SLC41A2: variants seen among roughly 807,000 people sequenced by gnomAD.
SLC41A2 encodes solute carrier family 41 member 2, also known as SLC41A1-like 1.
A neutral mutation model predicts 58.3 loss-of-function variants in SLC41A2; 32 were observed. The observed-to-expected ratio is 0.55, with a 90% CI of 0.41 to 0.74. The LOEUF (loss-of-function observed/expected upper bound fraction) is 0.74, where lower values mean the gene tolerates loss of function less well. Among genes scored for constraint, SLC41A2 ranks in the 30% least tolerant of loss-of-function variants. SLC41A2 has a pLI of 0.00. For missense variants in SLC41A2, 514 were observed against 680.6 expected (o/e 0.76, Z 2.72); for synonymous variants, 190 against 235.0 (o/e 0.81, Z 1.75).
intron 1 of SLC41A2, among the ~76,000 whole-genome samples, chr12:104,941,481 C>G (rs1409149052): frequency 6.6e-6 from 1 of 152,136 alleles, no homozygotes; most frequent in Non-Finnish European, 1.5e-5. Flanking sequence ...AGAATCACAA[C>G]CCTCAACTCT....
At chr12:104,881,879 T>G (rs1445187567) in intron 6 of SLC41A2, among the ~76,000 whole-genome samples, 2 of 152,188 alleles carry the variant, frequency 1.3e-5, no homozygotes, top group East Asian at 3.8e-4. Context: ...TTGTTAACTT[T>G]CTGTCTCGTT....
rs368113344 is a variant in SLC41A2 at position 104,932,147 on chromosome 12, C to T, written c.-167-3453G>A. Among the ~76,000 whole-genome samples the T allele has an allele frequency of 5.3e-5, 8 of 152,268 alleles. No homozygotes were observed. The East Asian group carries it at 1.2e-3, about 22-fold the overall frequency. On this transcript the variant is annotated intron_variant, in intron 1 of 10. Transcript: ENST00000258538. ...TACTTATCAGTTATTTCAATGCTTG[C>T]TTATTGACAAGGTCTATTATCTCCT...
At chr12:104,949,867 G>A (rs1593196233) in intron 1 of SLC41A2, among the ~76,000 whole-genome samples, 2 of 152,346 alleles carry the variant, frequency 1.3e-5, no homozygotes, top group African/African-American at 4.8e-5. Flanking sequence ...ACAGGTGTGA[G>A]CCACTGTGCC....
chr12:104,901,065 T>C (rs1023542520), intron 3 of SLC41A2, among the ~76,000 whole-genome samples: 4 of 152,208 alleles, frequency 2.6e-5, no homozygotes, highest in African/African-American at 9.6e-5. Flanking sequence ...TGTTGCTAAA[T>C]AATTCAGATA....
chr12:104,852,169 T>G (rs1317726640), intron 8 of SLC41A2, among the ~76,000 whole-genome samples: 1 of 152,180 alleles, frequency 6.6e-6, no homozygotes. Flanking sequence ...TTATAGTCAC[T>G]CAAAAGGAAA....
rs150496137 is a variant in SLC41A2 at position 104,956,445 on chromosome 12, G to A, written c.-168+1643C>T. Among the ~76,000 whole-genome samples, 1,409 of 152,304 alleles carry A rather than the reference G, an allele frequency of 9.3e-3. 13 individuals are homozygous for A. Among genetic ancestry groups the A allele is most frequent in the Middle Eastern group, 0.017 (5 of 294 alleles). On this transcript the variant is annotated intron_variant, in intron 1 of 10. Transcript: ENST00000258538. ...TGTAATCCCAGCACTTTGGGAAGCCGAGGTGGGCAGATCACTTGAATTCAG... is the reference window on the plus strand; with the variant it reads ...TGTAATCCCAGCACTTTGGGAAGCCAAGGTGGGCAGATCACTTGAATTCAG...
In SLC41A2 at chr12:104,816,221, G is replaced by C. The variant is rs147043993; in HGVS notation, c.1537-10884C>G. Among the ~76,000 whole-genome samples the C allele has an allele frequency of 6.4e-4, 97 of 152,094 alleles. No individual in the cohort carries two copies. The Middle Eastern group carries it at 0.01, about 16-fold the overall frequency. On this transcript the variant is annotated intron_variant, in intron 10 of 10. Transcript: ENST00000258538. ...TTGTAGATACGAAAAAACAAAAATA[G>C]AAACACAACCCAAAAAACAAGAACA...
At chr12:104,955,091 C>A (rs1474347253) in intron 1 of SLC41A2, among the ~76,000 whole-genome samples, 1 of 144,276 alleles carries the variant, frequency 6.9e-6, no homozygotes, top group Non-Finnish European at 1.5e-5. Flanking sequence ...CGGTTCACTG[C>A]AACTTCCACC....
intron 2 of SLC41A2, 139 bp from the exon 3 acceptor site, chr12:104,909,901 G>A (rs1336042783): frequency 6.9e-6 from 4 of 579,912 alleles, no homozygotes; most frequent in Admixed American, 3.4e-5. Flanking sequence ...TGTAATCAGC[G>A]AGCACTTAGC....
chr12:104,908,930 T>C (rs184046485), intron 3 of SLC41A2, among the ~76,000 whole-genome samples: 1 of 152,342 alleles, frequency 6.6e-6, no homozygotes, highest in East Asian at 1.9e-4. Context: ...CACAACATTG[T>C]TCATAATAGA....
intron 1 of SLC41A2, among the ~76,000 whole-genome samples, chr12:104,935,994 G>A (rs767881622): frequency 6.6e-6 from 1 of 151,768 alleles, no homozygotes; most frequent in Non-Finnish European, 1.5e-5. Flanking sequence ...AGTGAGCCAA[G>A]GTTACACCAC....
At chr12:104,858,124 T>G (rs531087442) in intron 8 of SLC41A2, among the ~76,000 whole-genome samples, 1 of 152,338 alleles carries the variant, frequency 6.6e-6, no homozygotes, top group Admixed American at 6.5e-5. Flanking sequence ...ACTTTTCAAG[T>G]TATACTTATT....
Position 104,927,905 on chromosome 12 carries a change from T to C in SLC41A2, c.555+68A>G, listed in dbSNP as rs546068549. ...GAATGTTTGAGAGTAGTAACCTACA[T>C]AAAGCATTTTAAACAGAAATGGAAT... On this transcript the variant is annotated intron_variant, in intron 2 of 10. Transcript: ENST00000258538. The C allele has an allele frequency of 8.5e-6, 12 of 1,409,316 alleles. No individual in the cohort carries two copies. In the Admixed American group the frequency reaches 2.1e-4, roughly 25 times the overall value. The allele number at this position is 1,409,316 out of a possible 1,614,324, so 87.3% of individuals were successfully genotyped here. A position where few individuals can be genotyped will look rare whatever the true frequency, so the allele number is the denominator to read the frequency against.
intron 2 of SLC41A2, among the ~76,000 whole-genome samples, chr12:104,912,025 A>G (rs2046109937): frequency 6.6e-6 from 1 of 152,186 alleles, no homozygotes; most frequent in African/African-American, 2.4e-5. Flanking sequence ...ACTGATCGTT[A>G]TGTTCCAGGC....
intron 1 of SLC41A2, among the ~76,000 whole-genome samples, chr12:104,941,139 T>C (rs556009615): frequency 2.0e-5 from 3 of 152,204 alleles, no homozygotes; most frequent in African/African-American, 7.2e-5. Context: ...TAACACCAAA[T>C]TGCTATAAAA....
chr12:104,850,032 T>C lies in SLC41A2; in HGVS notation c.1256-4058A>G, dbSNP rs182881276. Among the ~76,000 whole-genome samples, 602 of 152,268 alleles carry C rather than the reference T, an allele frequency of 4.0e-3. 4 individuals carry two copies. The highest frequency in any genetic ancestry group is 0.014 in the African/African-American group (577 of 41,552). ...TCCATTTAAATCATACCGAATACAC[T>C]GGTGCAGGAGATTTTTGAAGAAGAA... On this transcript the variant is annotated intron_variant, in intron 8 of 10. Transcript: ENST00000258538.
At chr12:104,864,263 T>C (rs1301762041) in intron 7 of SLC41A2, among the ~76,000 whole-genome samples, 1 of 152,180 alleles carries the variant, frequency 6.6e-6, no homozygotes, top group Non-Finnish European at 1.5e-5. Flanking sequence ...CCACACCTCC[T>C]TTCAGCTTTA....
At chr12:104,906,472 T>A (rs1344949074) in intron 3 of SLC41A2, among the ~76,000 whole-genome samples, 1 of 152,092 alleles carries the variant, frequency 6.6e-6, no homozygotes, top group Non-Finnish European at 1.5e-5. Context: ...GGGGCAGGCC[T>A]CAGACCAGGG....
chr12:104,920,968 C>T (rs2135843567), intron 2 of SLC41A2, among the ~76,000 whole-genome samples: 1 of 151,398 alleles, frequency 6.6e-6, no homozygotes, highest in East Asian at 1.9e-4. Context: ...AAAAAATTAG[C>T]TGGGTATGGT....
Sources: allele counts gnomAD v4.1 joint callset (sites outside exome capture counted in the v4.1 genomes callset), GRCh38; gene constraint gnomAD v4.1.1; transcripts MANE v1.5; gene names NCBI Gene and HGNC (gene_info 2026-07-23, HGNC 2026-07-21).